The following GJB5 variants were observed in gnomAD, a reference collection of about 807,000 sequenced individuals.
The protein encoded by GJB5 is gap junction protein beta 5.
For missense variants in GJB5, 333 were observed against 357.9 expected (o/e 0.93, Z 0.56); for synonymous variants, 146 against 145.5 (o/e 1.00, Z -0.02).
intron 1 of GJB5, among the ~76,000 whole-genome samples, chr1:34,756,803 A>G (rs901098493): frequency 1.3e-5 from 2 of 152,316 alleles, no homozygotes; most frequent in Non-Finnish European, 2.9e-5. Context: ...CCTCCTTTCC[A>G]GTCCCATCCC....
Position 34,757,405 on chromosome 1 carries a change from G to A in GJB5, c.75G>A (p.Leu25=), listed in dbSNP as rs1639610813. 6.2e-7 allele frequency: 1 copy of A among 1,614,132 alleles called. No individual in the cohort carries two copies. The highest frequency in any genetic ancestry group is 8.5e-7 in the Non-Finnish European group (1 of 1,180,046). Residue 25 remains leucine, a synonymous_variant, in exon 2 of 2, where the codon CTG becomes CTA. Coordinates refer to ENST00000338513, the MANE Select transcript of GJB5 (RefSeq NM_005268.4). ...KYSTAFGRIW[L]SLVFIFRVLV... ...CCACAGCCTTTGGGCGCATCTGGCT[G>A]TCTCTGGTCTTCATCTTCCGCGTGC...
At position 34,757,434 on chromosome 1, in the gene GJB5, T is replaced by C; in HGVS notation, c.104T>C (p.Val35Ala). Reference sequence around the variant, plus strand: ...CTGGTCTTCATCTTCCGCGTGCTGGTGTACCTGGTGACGGCCGAGCGTGTG... The same window carrying C: ...CTGGTCTTCATCTTCCGCGTGCTGGCGTACCTGGTGACGGCCGAGCGTGTG... ...LSLVFIFRVL[V>A]YLVTAERVWS... The change falls in exon 2 of 2, where the codon GTG (valine) becomes GCG (alanine). Residue 35 changes from valine to alanine, a missense_variant. Val to Ala is a moderately conservative substitution (Grantham distance 64). Coordinates refer to ENST00000338513, the MANE Select transcript of GJB5 (RefSeq NM_005268.4). 1 of 1,614,150 alleles carries C rather than the reference T, an allele frequency of 6.2e-7. No individual in the cohort carries two copies. The highest frequency in any genetic ancestry group is 8.5e-7 in the Non-Finnish European group (1 of 1,180,024).
intron 1 of GJB5, among the ~76,000 whole-genome samples, chr1:34,755,708 C>A (rs1639569825): frequency 6.6e-6 from 1 of 151,950 alleles, no homozygotes; most frequent in Non-Finnish European, 1.5e-5. Context: ...AGGACAGAAT[C>A]CGTCTGCACA....
chr1:34,756,399 T>C (rs953657295), intron 1 of GJB5, among the ~76,000 whole-genome samples: 7 of 152,242 alleles, frequency 4.6e-5, no homozygotes, highest in African/African-American at 1.7e-4. Flanking sequence ...ATAAATGTTA[T>C]GTCAGGAGGA....
Position 34,757,641 on chromosome 1 carries a change from G to C in GJB5, c.311G>C (p.Arg104Thr). 1 of 1,614,110 alleles carries C rather than the reference G, an allele frequency of 6.2e-7. No homozygotes were observed. Among genetic ancestry groups the C allele is most frequent in the East Asian group, 2.2e-5 (1 of 44,874 alleles). ...GCCTACCGGGAGGTTCAGGAGAAGA[G>C]GCACCGAGAAGCCCATGGGGAGAAC... is the stretch of plus-strand genomic sequence containing the variant. ...HVAYREVQEK[R>T]HREAHGENSG... The change falls in exon 2 of 2, where the codon AGG (arginine) becomes ACG (threonine). Residue 104 changes from arginine (R) to threonine (T), a missense_variant. Physicochemically the swap from Arg to Thr is moderately conservative, Grantham distance 71 (BLOSUM62 -1). Coordinates refer to ENST00000338513, the MANE Select transcript of GJB5 (RefSeq NM_005268.4).
At chr1:34,756,121 G>A (rs1639577561) in intron 1 of GJB5, among the ~76,000 whole-genome samples, 1 of 152,096 alleles carries the variant, frequency 6.6e-6, no homozygotes, top group African/African-American at 2.4e-5. Context: ...GCCCTTTAGT[G>A]GCTAGGCAGA....
chr1:34,755,166 C>G lies in GJB5; in HGVS notation c.-54C>G, dbSNP rs1484879942. On this transcript the variant is annotated 5_prime_UTR_variant, in exon 1 of 2. Transcript: ENST00000338513. Reference sequence around the variant, plus strand: ...GAGTCCTATTGCCGGCTGCTGGGAGCCAGGAGAGCCCTGAGGAGTAGTCAC... The same window carrying G: ...GAGTCCTATTGCCGGCTGCTGGGAGGCAGGAGAGCCCTGAGGAGTAGTCAC... 1 of 152,488 alleles carries G rather than the reference C, an allele frequency of 6.6e-6. No homozygotes were observed. The highest frequency in any genetic ancestry group is 2.4e-5 in the African/African-American group (1 of 41,466). The allele number at this position is 152,488 out of a possible 1,614,324, so 9.4% of individuals were successfully genotyped here.
At chr1:34,756,104 A>C (rs1639577202) in intron 1 of GJB5, among the ~76,000 whole-genome samples, 1 of 152,212 alleles carries the variant, frequency 6.6e-6, no homozygotes, top group Non-Finnish European at 1.5e-5. Flanking sequence ...TGGGAAGGCC[A>C]TCATGAGCCC....
rs749623338 is a variant in GJB5 at position 34,757,434 on chromosome 1, T to A, written c.104T>A (p.Val35Glu). 2 of 1,614,150 alleles carry A rather than the reference T, an allele frequency of 1.2e-6. No individual in the cohort carries two copies. The highest frequency in any genetic ancestry group is 1.7e-6 in the Non-Finnish European group (2 of 1,180,024). ...CTGGTCTTCATCTTCCGCGTGCTGG[T>A]GTACCTGGTGACGGCCGAGCGTGTG... ...LSLVFIFRVL[V>E]YLVTAERVWS... The change falls in exon 2 of 2, where the codon GTG becomes GAG. Residue 35 changes from valine to glutamate, a missense_variant. Transcript: ENST00000338513.
At position 34,757,753 on chromosome 1, in the gene GJB5, G is replaced by A. The variant is rs560050030; in HGVS notation, c.423G>A (p.Val141=). The part of the protein sequence containing the change: ...YVCSLVFKAS[V]DIAFLYVFHS... ...GCAGCCTAGTGTTCAAGGCGAGCGT[G>A]GACATCGCCTTTCTCTATGTGTTCC... The change falls in exon 2 of 2, where the codon GTG becomes GTA. Residue 141 remains valine, a synonymous_variant. Coordinates refer to ENST00000338513, the MANE Select transcript of GJB5 (RefSeq NM_005268.4). 9.5e-5 allele frequency: 153 copies of A among 1,613,834 alleles called. No homozygotes were observed. The highest frequency in any genetic ancestry group is 1.2e-4 in the Non-Finnish European group (141 of 1,179,988).
Position 34,758,403 on chromosome 1 carries a change from A to G in GJB5, c.*251A>G. ...TCTAGAATGGAAATAGTGAGGGCCA[A>G]TGCCCAGGGTTGGAGGGAGGAGGGC... On this transcript the variant is annotated 3_prime_UTR_variant, in exon 2 of 2. Coordinates refer to ENST00000338513, the MANE Select transcript of GJB5 (RefSeq NM_005268.4). The G allele has an allele frequency of 3.5e-6, 2 of 564,118 alleles. No homozygotes were observed. The highest frequency in any genetic ancestry group is 3.3e-6 in the Non-Finnish European group (1 of 306,268). The allele number at this position is 564,118 out of a possible 1,614,324, so 34.9% of individuals were successfully genotyped here. A position where few individuals can be genotyped will look rare whatever the true frequency, so the allele number is the denominator to read the frequency against.
In GJB5 at chr1:34,758,444, C is replaced by T; in HGVS notation, c.*292C>T. 6.4e-6 allele frequency: 3 copies of T among 471,250 alleles called. No homozygotes were observed. In the South Asian group the frequency reaches 8.4e-5, roughly 13 times the overall value. The allele number at this position is 471,250 out of a possible 1,614,324, so 29.2% of individuals were successfully genotyped here. ...GGAGGAGGGCGTTCATAGAAGAACA[C>T]ACATGCGGGCACCTTCATCGTGTGT... On this transcript the variant is annotated 3_prime_UTR_variant, in exon 2 of 2. Coordinates refer to ENST00000338513, the MANE Select transcript of GJB5 (RefSeq NM_005268.4).
In GJB5 at chr1:34,757,480, C is replaced by T. The variant is rs1340609543; in HGVS notation, c.150C>T (p.Asp50=). ...GTGTGTGGAGTGATGACCACAAGGACTTCGACTGCAATACTCGCCAGCCCG... is the reference window on the plus strand; with the variant it reads ...GTGTGTGGAGTGATGACCACAAGGATTTCGACTGCAATACTCGCCAGCCCG... ...AERVWSDDHK[D]FDCNTRQPGC... is the part of the protein sequence containing the mutation. The change falls in exon 2 of 2, where the codon GAC becomes GAT. Residue 50 remains aspartate (D), a synonymous_variant. Coordinates refer to ENST00000338513, the MANE Select transcript of GJB5 (RefSeq NM_005268.4). 6.2e-7 allele frequency: 1 copy of T among 1,614,148 alleles called. No homozygotes were observed. Among genetic ancestry groups the T allele is most frequent in the Non-Finnish European group, 8.5e-7 (1 of 1,180,030 alleles).
At chr1:34,756,009 G>A (rs1034885003) in intron 1 of GJB5, among the ~76,000 whole-genome samples, 17 of 152,234 alleles carry the variant, frequency 1.1e-4, no homozygotes, top group Non-Finnish European at 2.2e-4. Context: ...ATGCTTCATG[G>A]ATATTGGCTG....
In GJB5 at chr1:34,758,352, C is replaced by T. The variant is rs1639639696; in HGVS notation, c.*200C>T. 3.3e-6 allele frequency: 2 copies of T among 608,738 alleles called. No homozygotes were observed. Among genetic ancestry groups the T allele is most frequent in the Admixed American group, 3.0e-5 (1 of 33,710 alleles). The allele number at this position is 608,738 out of a possible 1,614,324, so 37.7% of individuals were successfully genotyped here. A position where few individuals can be genotyped will look rare whatever the true frequency, so the allele number is the denominator to read the frequency against. ...CTCGACGGCACTGGGCCAGTTCCCCCTCTGCTCTGCAGCTCGGTTTCCTTT... is the reference window on the plus strand; with the variant it reads ...CTCGACGGCACTGGGCCAGTTCCCCTTCTGCTCTGCAGCTCGGTTTCCTTT... On this transcript the variant is annotated 3_prime_UTR_variant, in exon 2 of 2. Coordinates refer to ENST00000338513, the MANE Select transcript of GJB5 (RefSeq NM_005268.4).
intron 1 of GJB5, among the ~76,000 whole-genome samples, chr1:34,755,453 G>A (rs1157595141): frequency 1.3e-5 from 2 of 152,204 alleles, no homozygotes; most frequent in Non-Finnish European, 2.9e-5. Context: ...CCCCAAGTAG[G>A]GATGGGCTGG....
At position 34,757,710 on chromosome 1, in the gene GJB5, T is replaced by C. The variant is rs1473470167; in HGVS notation, c.380T>C (p.Leu127Pro). Residue 127 changes from leucine to proline, a missense_variant, in exon 2 of 2, where the codon CTC becomes CCC. By Grantham distance (98) the Leu-to-Pro change is moderately conservative. Coordinates refer to ENST00000338513, the MANE Select transcript of GJB5 (RefSeq NM_005268.4). ...AACCCCGGCAAGAAGCGGGGTGGGC[T>C]CTGGTGGACATATGTCTGCAGCCTA... ...YLNPGKKRGG[L>P]WWTYVCSLVF... The C allele has an allele frequency of 1.2e-6, 2 of 1,613,940 alleles. No homozygotes were observed. The highest frequency in any genetic ancestry group is 8.5e-7 in the Non-Finnish European group (1 of 1,180,006).
chr1:34,756,536 T>C (rs1244972135), intron 1 of GJB5, among the ~76,000 whole-genome samples: 1 of 152,250 alleles, frequency 6.6e-6, no homozygotes, highest in Non-Finnish European at 1.5e-5. Flanking sequence ...CTAAACCCAA[T>C]GTTTGCCAAC....
rs760878565 is a variant in GJB5 at position 34,757,653 on chromosome 1, C to T, written c.323C>T (p.Ala108Val). 3.7e-5 allele frequency: 60 copies of T among 1,613,952 alleles called. 2 individuals carry two copies. Among genetic ancestry groups the T allele is most frequent in the Non-Finnish European group, 5.1e-6 (6 of 1,180,018 alleles). ...GTTCAGGAGAAGAGGCACCGAGAAG[C>T]CCATGGGGAGAACAGTGGGCGCCTC... ...REVQEKRHRE[A>V]HGENSGRLYL... is the part of the protein sequence containing the mutation. The change falls in exon 2 of 2, where the codon GCC becomes GTC. Residue 108 changes from alanine to valine, a missense_variant. Coordinates refer to ENST00000338513, the MANE Select transcript of GJB5 (RefSeq NM_005268.4).
Sources: allele counts gnomAD v4.1 joint callset (sites outside exome capture counted in the v4.1 genomes callset), GRCh38; gene constraint gnomAD v4.1.1; transcripts MANE v1.5; gene names NCBI Gene and HGNC (gene_info 2026-07-23, HGNC 2026-07-21).